PIK3CB: variants seen among roughly 807,000 people sequenced by gnomAD.
PIK3CB encodes phosphatidylinositol-4,5-bisphosphate 3-kinase catalytic subunit beta, also known as phosphatidylinositol 4,5-bisphosphate 3-kinase catalytic subunit beta isoform.
A neutral mutation model predicts 136.8 loss-of-function variants in PIK3CB; 39 were observed. That is an observed-to-expected ratio of 0.29 (90% CI 0.22 to 0.37). PIK3CB has a LOEUF of 0.37. Among genes scored for constraint, PIK3CB ranks in the 10% least tolerant of loss-of-function variants. The probability of loss-of-function intolerance (pLI) is 1.00; values close to 1 mark genes in which losing one functional copy is unlikely to be tolerated. For synonymous variants in PIK3CB, 428 were observed against 436.6 expected (o/e 0.98, Z 0.25); for missense variants, 868 against 1,275.4 (o/e 0.68, Z 4.87).
intron 1 of PIK3CB, among the ~76,000 whole-genome samples, chr3:138,804,760 C>G (rs1195457139): frequency 1.3e-5 from 2 of 152,170 alleles, no homozygotes; most frequent in East Asian, 3.9e-4. Context: ...AACGGTGGCT[C>G]ACACCTGTAA....
At chr3:138,821,792 A>C (rs1933573452) in intron 1 of PIK3CB, among the ~76,000 whole-genome samples, 1 of 152,104 alleles carries the variant, frequency 6.6e-6, no homozygotes, top group African/African-American at 2.4e-5. Flanking sequence ...TTCAAAAAAT[A>C]AAAATAAAAA....
At chr3:138,680,036 T>A (rs2043734683) in intron 19 of PIK3CB, among the ~76,000 whole-genome samples, 1 of 148,878 alleles carries the variant, frequency 6.7e-6, no homozygotes. Context: ...GAAGCAAATC[T>A]CTAATAATAA....
intron 14 of PIK3CB, among the ~76,000 whole-genome samples, chr3:138,691,999 G>A (rs2044018927): frequency 6.6e-6 from 1 of 152,168 alleles, no homozygotes; most frequent in African/African-American, 2.4e-5. Flanking sequence ...TTTGAAGGAT[G>A]AGAAAGTGAA....
At chr3:138,773,868 A>C (rs1310618905) in intron 2 of PIK3CB, among the ~76,000 whole-genome samples, 1 of 152,226 alleles carries the variant, frequency 6.6e-6, no homozygotes, top group African/African-American at 2.4e-5. Flanking sequence ...TCAAGTGAAC[A>C]GTATTTGGGA....
intron 2 of PIK3CB, among the ~76,000 whole-genome samples, chr3:138,760,047 G>T (rs201991595): frequency 7.2e-4 from 110 of 151,882 alleles, no homozygotes; most frequent in African/African-American, 2.5e-3. Context: ...TCAGCCTCCC[G>T]AGTAGCTGAG....
chr3:138,689,000 C>G, intron 15 of PIK3CB, 26 bp from the exon 16 acceptor site: 2 of 1,402,396 alleles, frequency 1.4e-6, no homozygotes, highest in African/African-American at 1.4e-5. Context: ...GATATCTGAA[C>G]AGTTTGTTTA....
intron 15 of PIK3CB, among the ~76,000 whole-genome samples, chr3:138,689,832 G>A (rs2043970748): frequency 6.6e-6 from 1 of 152,070 alleles, no homozygotes; most frequent in Non-Finnish European, 1.5e-5. Context: ...TCTAAAATGT[G>A]TACATCTTAC....
intron 2 of PIK3CB, among the ~76,000 whole-genome samples, chr3:138,771,933 A>AAG (rs2045805511): frequency 1.3e-5 from 2 of 151,954 alleles, no homozygotes; most frequent in African/African-American, 4.8e-5. Flanking sequence ...AAAAAAAAAA[A>AAG]AAAAAAATTT....
chr3:138,794,096 G>A (rs560379176), intron 2 of PIK3CB, among the ~76,000 whole-genome samples: 3 of 152,098 alleles, frequency 2.0e-5, no homozygotes, highest in African/African-American at 4.8e-5. Context: ...TCAAGTAGCT[G>A]GGATTACAGG....
chr3:138,688,802 A>G, intron 16 of PIK3CB, 73 bp downstream of exon 16: 1 of 862,942 alleles, frequency 1.2e-6, no homozygotes, highest in South Asian at 1.5e-5. Flanking sequence ...GAAGATTAAA[A>G]CAAGCTGATA....
chr3:138,726,211 CAG>C (rs1285932613), intron 8 of PIK3CB, among the ~76,000 whole-genome samples: 1 of 152,248 alleles, frequency 6.6e-6, no homozygotes, highest in African/African-American at 2.4e-5. Context: ...CTCATATGCA[CAG>C]CTCAGGAATA....
At chr3:138,745,524 T>C (rs770911645) in intron 4 of PIK3CB, among the ~76,000 whole-genome samples, 8 of 152,024 alleles carry the variant, frequency 5.3e-5, no homozygotes, top group African/African-American at 7.2e-5. Context: ...TCTCAGCTAC[T>C]TGGGGGGCTG....
chr3:138,794,472 G>A (rs986206229), intron 2 of PIK3CB, among the ~76,000 whole-genome samples: 7 of 152,160 alleles, frequency 4.6e-5, no homozygotes, highest in Non-Finnish European at 7.3e-5. Context: ...AGCATGACAT[G>A]GCAGGCAGTA....
chr3:138,728,349 ATTTTCC>A (rs1476680177), intron 8 of PIK3CB, among the ~76,000 whole-genome samples: 1 of 152,114 alleles, frequency 6.6e-6, no homozygotes, highest in African/African-American at 2.4e-5. Flanking sequence ...ATATTCCTCA[ATTTTCC>A]TTATGAGCAT....
chr3:138,664,296 T>C (rs571980841), intron 20 of PIK3CB, among the ~76,000 whole-genome samples: 22 of 152,100 alleles, frequency 1.4e-4, no homozygotes, highest in African/African-American at 5.3e-4. Flanking sequence ...GGGCTGTGAG[T>C]AGACTAATGT....
chr3:138,663,724 GCAAA>G (rs1432366021), intron 21 of PIK3CB, among the ~76,000 whole-genome samples, 178 bp downstream of exon 21: 1 of 152,072 alleles, frequency 6.6e-6, no homozygotes, highest in Non-Finnish European at 1.5e-5. Flanking sequence ...CATCAAGCAA[GCAAA>G]CAAATGAATA....
intron 12 of PIK3CB, among the ~76,000 whole-genome samples, chr3:138,704,176 T>C (rs2044315446): frequency 1.3e-5 from 2 of 152,222 alleles, no homozygotes; most frequent in Admixed American, 1.3e-4. Context: ...GACAGCATTG[T>C]TAATCTATGA....
At chr3:138,706,634 A>G (rs2044383098) in intron 11 of PIK3CB, among the ~76,000 whole-genome samples, 1 of 152,268 alleles carries the variant, frequency 6.6e-6, no homozygotes, top group African/African-American at 2.4e-5. Context: ...TAAATAAGAA[A>G]AGTGAACTCC....
At chr3:138,727,450 G>A (rs1225626777) in intron 8 of PIK3CB, among the ~76,000 whole-genome samples, 1 of 152,184 alleles carries the variant, frequency 6.6e-6, no homozygotes. Context: ...AGTTAGACAG[G>A]GCCACAGGGC....
Sources: allele counts gnomAD v4.1 joint callset (sites outside exome capture counted in the v4.1 genomes callset), GRCh38; gene constraint gnomAD v4.1.1; transcripts MANE v1.5; gene names NCBI Gene and HGNC (gene_info 2026-07-23, HGNC 2026-07-21).